Variants in MARK1 observed in about 807,000 individuals in gnomAD.
The protein encoded by MARK1 is serine/threonine-protein kinase MARK1.
Under a neutral mutation model 96.3 loss-of-function variants are expected in MARK1, and 40 were observed. The ratio of observed to expected loss-of-function variants is 0.42; its 90% CI spans 0.32 to 0.54. The LOEUF (loss-of-function observed/expected upper bound fraction) is 0.54, where lower values mean the gene tolerates loss of function less well. Ranked by LOEUF, MARK1 falls within the 20% of genes least tolerant of loss-of-function variation. MARK1 has a pLI of 0.16. For synonymous variants in MARK1, 317 were observed against 341.2 expected (o/e 0.93, Z 0.78); for missense variants, 719 against 984.6 (o/e 0.73, Z 3.61).
chr1:220,636,155 C>A, intron 13 of MARK1, 129 bp downstream of exon 13: 1 of 618,360 alleles, frequency 1.6e-6, no homozygotes, highest in Non-Finnish European at 2.6e-6. Flanking sequence ...AAAGAACATG[C>A]AAAAGGGACC....
chr1:220,659,417 T>G (rs1022706741), intron 17 of MARK1, among the ~76,000 whole-genome samples: 3 of 152,166 alleles, frequency 2.0e-5, no homozygotes, highest in Non-Finnish European at 4.4e-5. Flanking sequence ...TCAGCTATGT[T>G]CCACCACTTA....
intron 6 of MARK1, among the ~76,000 whole-genome samples, chr1:220,606,843 A>T (rs1327209268): frequency 1.3e-5 from 2 of 151,988 alleles, no homozygotes; most frequent in African/African-American, 2.4e-5. Context: ...GATGTGCGGC[A>T]TTATTTCTGA....
At chr1:220,607,355 T>A (rs1042231145) in intron 6 of MARK1, among the ~76,000 whole-genome samples, 7 of 152,118 alleles carry the variant, frequency 4.6e-5, no homozygotes, top group African/African-American at 1.7e-4. Flanking sequence ...ATGCTTGTGA[T>A]TTTTTGCACA....
chr1:220,614,644 G>T (rs1666639896), intron 6 of MARK1, among the ~76,000 whole-genome samples: 3 of 151,790 alleles, frequency 2.0e-5, no homozygotes, highest in South Asian at 4.1e-4. Context: ...TTCTTAATCA[G>T]ATTGTAAGCG....
Position 220,528,469 on chromosome 1 carries a change from ATGGTCCGGAGAG to A in MARK1, c.-353_-342del, listed in dbSNP as rs1660061282. 2.4e-4 allele frequency: 73 copies of A among 304,080 alleles called. No homozygotes were observed. The East Asian group carries it at 4.8e-3, about 20-fold the overall frequency. 18.8% of individuals were successfully genotyped at this position (304,080 alleles called of 1,614,324 possible). A position where few individuals can be genotyped will look rare whatever the true frequency, so the allele number is the denominator to read the frequency against. ...TGAGGCACCGGCTTCACCTTCACCC[ATGGTCCGGAGAG>A]CCTAGCGGGGCTCGCCACCGCCTCC... On this transcript the variant is annotated 5_prime_UTR_variant, in exon 1 of 18. It removes an upstream start codon present in the reference 5' UTR. Coordinates refer to ENST00000366917, the MANE Select transcript of MARK1 (RefSeq NM_018650.5).
chr1:220,626,819 CA>C (rs34627760), intron 9 of MARK1: 44,019 of 252,768 alleles, frequency 0.17, 87 homozygotes, highest in South Asian at 0.23. Context: ...GACTCCATCT[CA>C]AAAAAAAAAA....
intron 5 of MARK1, among the ~76,000 whole-genome samples, chr1:220,600,085 A>G (rs1008628225): frequency 6.6e-6 from 1 of 152,098 alleles, no homozygotes; most frequent in African/African-American, 2.4e-5. Flanking sequence ...TTACTTAGGG[A>G]CATTTTTTGA....
At chr1:220,545,283 A>C (rs1442750744) in intron 1 of MARK1, among the ~76,000 whole-genome samples, 1 of 152,198 alleles carries the variant, frequency 6.6e-6, no homozygotes, top group East Asian at 1.9e-4. Context: ...GCAGGGCCTT[A>C]CATGCCATAG....
intron 1 of MARK1, among the ~76,000 whole-genome samples, chr1:220,559,085 A>G (rs1662492005): frequency 6.6e-6 from 1 of 152,230 alleles, no homozygotes; most frequent in Admixed American, 6.5e-5. Context: ...CATTAATGAA[A>G]TAGCAAAATA....
chr1:220,633,522 T>G (rs535952883), intron 11 of MARK1, among the ~76,000 whole-genome samples: 1 of 152,298 alleles, frequency 6.6e-6, no homozygotes, highest in South Asian at 2.1e-4. Context: ...GACGAGAAAG[T>G]CTCTGCTCTC....
intron 1 of MARK1, among the ~76,000 whole-genome samples, chr1:220,541,060 G>T (rs1661112763): frequency 6.6e-6 from 1 of 151,992 alleles, no homozygotes; most frequent in Non-Finnish European, 1.5e-5. Context: ...AGCCTCCTGA[G>T]TAGCTGGAAT....
chr1:220,614,600 C>G (rs1416734658), intron 6 of MARK1, among the ~76,000 whole-genome samples: 1 of 151,674 alleles, frequency 6.6e-6, no homozygotes, highest in Non-Finnish European at 1.5e-5. Flanking sequence ...CTCCATAATA[C>G]AAGGTATATA....
At position 220,631,035 on chromosome 1, in the gene MARK1, C is replaced by A. The variant is rs1460753925; in HGVS notation, c.910C>A (p.Gln304Lys). Residue 304 changes from glutamine (Q) to lysine (K), a missense_variant and splice_region_variant, in exon 10 of 18, where the codon CAA (glutamine) becomes AAA (lysine). Gln to Lys is a moderately conservative substitution (Grantham distance 53, BLOSUM62 1). Around this residue, in one of 4 missense-constraint regions of MARK1, gnomAD observed 501 missense variants for 588.3 expected, o/e 0.85. Coordinates refer to ENST00000366917, the MANE Select transcript of MARK1 (RefSeq NM_018650.5). ...ACATAATGTAGAGTTTATTTCCTAG[C>A]AAATAATGAAAGATCGATGGATGAA... ...LNPIKRGSLE[Q>K]IMKDRWMNVG... is the part of the protein sequence containing the mutation. 8.8e-6 allele frequency: 14 copies of A among 1,595,136 alleles called. No homozygotes were observed. Among genetic ancestry groups the A allele is most frequent in the Non-Finnish European group, 1.2e-5 (14 of 1,163,720 alleles).
At chr1:220,613,235 T>C (rs1666555702) in intron 6 of MARK1, among the ~76,000 whole-genome samples, 1 of 152,226 alleles carries the variant, frequency 6.6e-6, no homozygotes, top group Non-Finnish European at 1.5e-5. Context: ...AAGGCAGAAC[T>C]TCTTTCATGG....
At chr1:220,623,504 C>T (rs1208564785) in intron 9 of MARK1, among the ~76,000 whole-genome samples, 1 of 152,152 alleles carries the variant, frequency 6.6e-6, no homozygotes, top group Non-Finnish European at 1.5e-5. Context: ...TTTTATTCTG[C>T]TTTGAAATAC....
At chr1:220,546,072 C>T (rs1182383110) in intron 1 of MARK1, among the ~76,000 whole-genome samples, 1 of 152,182 alleles carries the variant, frequency 6.6e-6, no homozygotes, top group Admixed American at 6.5e-5. Context: ...GCAAGAACCA[C>T]CTTACCCTTG....
At chr1:220,594,208 G>A (rs1419203474) in intron 3 of MARK1, among the ~76,000 whole-genome samples, 1 of 152,170 alleles carries the variant, frequency 6.6e-6, no homozygotes, top group African/African-American at 2.4e-5. Context: ...TTAACACATA[G>A]GTGAAGGATC....
rs984750800 is a variant in MARK1, at chr1:220,635,509, A to G, written c.1256A>G (p.Gln419Arg). Residue 419 changes from glutamine (Q) to arginine (R), a missense_variant, in exon 12 of 18, where the codon CAG (glutamine) becomes CGG (arginine). This residue lies in a region of MARK1 where 501 missense variants were observed against 588.3 expected (regional missense o/e 0.85). Coordinates refer to ENST00000366917, the MANE Select transcript of MARK1 (RefSeq NM_018650.5). ...AGAAGTATCTCAGCAAATCAGAAGC[A>G]GCGGCGTTTCAGTGATCATGGTAGG... ...VQRSISANQK[Q>R]RRFSDHAGPS... The G allele has an allele frequency of 1.2e-6, 2 of 1,610,846 alleles. No homozygotes were observed. Among genetic ancestry groups the G allele is most frequent in the African/African-American group, 2.7e-5 (2 of 74,782 alleles).
chr1:220,560,167 G>A (rs901221295), intron 1 of MARK1, among the ~76,000 whole-genome samples: 15 of 152,024 alleles, frequency 9.9e-5, no homozygotes, highest in African/African-American at 3.6e-4. Flanking sequence ...ACAGTATGGG[G>A]GAAACTGCCC....
Sources: allele counts gnomAD v4.1 joint callset (sites outside exome capture counted in the v4.1 genomes callset), GRCh38; gene constraint gnomAD v4.1.1; regional missense constraint gnomAD v4.1.1; transcripts MANE v1.5; gene names NCBI Gene and HGNC (gene_info 2026-07-23, HGNC 2026-07-21).